Variants in CCDC178 observed in about 807,000 individuals in gnomAD.
CCDC178 encodes coiled-coil domain-containing protein 178.
A neutral mutation model predicts 117.4 loss-of-function variants in CCDC178; 126 were observed. The ratio of observed to expected loss-of-function variants is 1.07; its 90% confidence interval spans 0.93 to 1.24. CCDC178 has a LOEUF of 1.24. CCDC178 is among the 50% of genes most tolerant of loss of function. The probability of loss-of-function intolerance (pLI) is 0.00; values close to 1 mark genes in which losing one functional copy is unlikely to be tolerated. For synonymous variants in CCDC178, 283 were observed against 313.4 expected, an observed-to-expected ratio of 0.90 and a Z score of 1.02; for missense variants, 1,030 against 986.9, an observed-to-expected ratio of 1.04 and a Z score of -0.59.
rs1379049740 is a variant in CCDC178 at position 33,148,708 on chromosome 18, T to G, written c.2239-55798A>C. On this transcript the variant is annotated intron_variant, in intron 20 of 22. Transcript: ENST00000383096. ...ACTGAGGATATGCAGATACCTTGTC[T>G]TCTTATTTCATCTGTCTGAATCTAG... Among the ~76,000 whole-genome samples, 4 of 152,340 alleles carry G rather than the reference T, an allele frequency of 2.6e-5. No homozygotes were observed. In the East Asian group the frequency reaches 5.8e-4, roughly 22 times the overall value.
At chr18:33,221,321 A>C (rs1425603921) in intron 18 of CCDC178, among the ~76,000 whole-genome samples, 1 of 152,078 alleles carries the variant, frequency 6.6e-6, no homozygotes, top group African/African-American at 2.4e-5. Context: ...CTCTAGTCCC[A>C]CCTCTATTGA....
chr18:33,348,516 TACTA>T (rs1268594985), intron 8 of CCDC178, among the ~76,000 whole-genome samples: 1 of 151,976 alleles, frequency 6.6e-6, no homozygotes, highest in Non-Finnish European at 1.5e-5. Flanking sequence ...TCCTCAGTCT[TACTA>T]GCCACATTTC....
intron 21 of CCDC178, among the ~76,000 whole-genome samples, chr18:33,070,555 A>G (rs1242780177): frequency 1.3e-5 from 2 of 152,024 alleles, no homozygotes; most frequent in Non-Finnish European, 2.9e-5. Context: ...CTTAATGAGT[A>G]CAAACATACA....
chr18:33,312,716 C>T (rs1396577883), intron 11 of CCDC178, among the ~76,000 whole-genome samples: 1 of 152,156 alleles, frequency 6.6e-6, no homozygotes, highest in African/African-American at 2.4e-5. Flanking sequence ...TTTGGGCTTC[C>T]CATCAGACTC....
intron 20 of CCDC178, among the ~76,000 whole-genome samples, chr18:33,203,269 A>G (rs2059013359): frequency 6.6e-6 from 1 of 152,164 alleles, no homozygotes; most frequent in Admixed American, 6.5e-5. Flanking sequence ...TAAAGATATT[A>G]GGTGCCACAT....
chr18:33,065,634 T>C (rs1231234355), intron 21 of CCDC178, among the ~76,000 whole-genome samples: 1 of 152,160 alleles, frequency 6.6e-6, no homozygotes, highest in East Asian at 1.9e-4. Context: ...AGGCACATTG[T>C]TGTCCAACTG....
intron 3 of CCDC178, among the ~76,000 whole-genome samples, chr18:33,401,825 C>T (rs1007515531): frequency 2.4e-4 from 37 of 151,902 alleles, no homozygotes; most frequent in African/African-American, 7.7e-4. Context: ...AAGTTGAAAA[C>T]GTTAACTATT....
At chr18:33,290,212 A>T (rs1460395132) in intron 12 of CCDC178, among the ~76,000 whole-genome samples, 1 of 152,214 alleles carries the variant, frequency 6.6e-6, no homozygotes, top group African/African-American at 2.4e-5. Context: ...CATTTTTGTC[A>T]AATGAAATAT....
Position 33,204,230 on chromosome 18 carries a change from A to G in CCDC178, c.2238+7666T>C, listed in dbSNP as rs569917942. On this transcript the variant is annotated intron_variant, in intron 20 of 22. Coordinates refer to ENST00000383096, the MANE Select transcript of CCDC178 (RefSeq NM_001105528.4). ...CTAAAAAACCCTGAGTTCAAGATTA[A>G]ATATTTCATATTTATTTGAGCAAAA... Among the ~76,000 whole-genome samples the G allele has an allele frequency of 7.5e-4, 114 of 152,280 alleles. 2 individuals are homozygous for G. In the South Asian group the frequency reaches 8.7e-3, roughly 12 times the overall value.
At chr18:33,142,885 C>T (rs2058223972) in intron 20 of CCDC178, among the ~76,000 whole-genome samples, 1 of 152,100 alleles carries the variant, frequency 6.6e-6, no homozygotes, top group African/African-American at 2.4e-5. Context: ...TTCCCCTTAT[C>T]CCCTGAGCTG....
At chr18:33,126,417 A>AAT (rs997818844) in intron 20 of CCDC178, among the ~76,000 whole-genome samples, 1 of 148,666 alleles carries the variant, frequency 6.7e-6, no homozygotes, top group African/African-American at 2.5e-5. Flanking sequence ...ATTAAATATA[A>AAT]ATATATATAT....
At chr18:33,094,384 C>G (rs1049593850) in intron 20 of CCDC178, among the ~76,000 whole-genome samples, 1 of 151,946 alleles carries the variant, frequency 6.6e-6, no homozygotes, top group Admixed American at 6.6e-5. Context: ...AAGATTTTGA[C>G]ATTAATATTA....
At chr18:33,420,230 T>C (rs533986612) in intron 2 of CCDC178, among the ~76,000 whole-genome samples, 17 of 152,156 alleles carry the variant, frequency 1.1e-4, no homozygotes, top group South Asian at 4.1e-4. Flanking sequence ...CTCACTTACA[T>C]TGAGTACACA....
intron 5 of CCDC178, among the ~76,000 whole-genome samples, chr18:33,386,238 C>A (rs375289530): frequency 1.8e-4 from 27 of 152,180 alleles, no homozygotes; most frequent in African/African-American, 6.5e-4. Context: ...AAAAAAGGCC[C>A]AGATCCAGAT....
intron 15 of CCDC178, among the ~76,000 whole-genome samples, chr18:33,242,729 T>C (rs1377642252): frequency 1.3e-5 from 2 of 151,800 alleles, no homozygotes; most frequent in East Asian, 1.9e-4. Context: ...CCAGTTAGGA[T>C]GGATAGTATA....
intron 20 of CCDC178, among the ~76,000 whole-genome samples, chr18:33,141,775 T>C (rs982431268): frequency 6.6e-6 from 1 of 152,174 alleles, no homozygotes; most frequent in Non-Finnish European, 1.5e-5. Context: ...TACTTTCCCT[T>C]GGAATTAATG....
intron 6 of CCDC178, 95 bp downstream of exon 6, chr18:33,369,955 A>C (rs186956109): frequency 9.6e-7 from 1 of 1,039,322 alleles, no homozygotes; most frequent in East Asian, 2.8e-5. Context: ...ATTATCATTT[A>C]AAAAGTCCAG....
intron 5 of CCDC178, among the ~76,000 whole-genome samples, chr18:33,386,988 T>G (rs1241298852): frequency 6.6e-6 from 1 of 152,132 alleles, no homozygotes; most frequent in Non-Finnish European, 1.5e-5. Context: ...GCCCAAAAGC[T>G]TCCTAAGCTG....
At chr18:33,419,376 G>C (rs1380365981) in intron 2 of CCDC178, among the ~76,000 whole-genome samples, 1 of 152,136 alleles carries the variant, frequency 6.6e-6, no homozygotes, top group Non-Finnish European at 1.5e-5. Flanking sequence ...CTGGACATAG[G>C]CCCTGGCAAA....
Sources: allele counts gnomAD v4.1 joint callset (sites outside exome capture counted in the v4.1 genomes callset), GRCh38; gene constraint gnomAD v4.1.1; transcripts MANE v1.5; gene names NCBI Gene and HGNC (gene_info 2026-07-23, HGNC 2026-07-21).